The following CSF2RA variants were observed in gnomAD, a reference collection of about 807,000 sequenced individuals.
The protein encoded by CSF2RA is granulocyte-macrophage colony-stimulating factor receptor subunit alpha.
Under a neutral mutation model 51.6 loss-of-function variants are expected in CSF2RA, and 42 were observed. The observed-to-expected ratio is 0.81, with a 90% CI of 0.64 to 1.05. The LOEUF (loss-of-function observed/expected upper bound fraction) is 1.05, where lower values mean the gene tolerates loss of function less well. CSF2RA is among the 50% of genes least tolerant of loss of function. The pLI, the probability that CSF2RA is intolerant of heterozygous loss-of-function variation, is 0.00. For missense variants in CSF2RA, 530 were observed against 501.1 expected (o/e 1.06, Z -0.55); for synonymous variants, 222 against 193.0 (o/e 1.15, Z -1.24).
the CSF2RA span, among the ~76,000 whole-genome samples, chrX:1,324,935 C>T: frequency 6.6e-6 from 1 of 152,062 alleles, no homozygotes; most frequent in Admixed American, 6.6e-5. Context: ...GATCACAGGA[C>T]GGTTGGGTTT....
rs2091291032 is a variant in CSF2RA at position 1,290,402 on chromosome X, T to C, written c.539T>C (p.Leu180Pro). Residue 180 changes from leucine (L) to proline (P), a missense_variant, in exon 7 of 13, where the codon CTG becomes CCG. Coordinates refer to ENST00000381529, the MANE Select transcript of CSF2RA (RefSeq NM_172245.4). ...QDSGTHVGCH[L>P]DNLSGLTSRN... ...TCAGGAACCCATGTGGGATGTCACC[T>C]GGATAACCTGTCAGGATTAACGTCT... 1.2e-6 allele frequency: 2 copies of C among 1,613,640 alleles called. No homozygotes were observed. Among genetic ancestry groups the C allele is most frequent in the Non-Finnish European group, 1.7e-6 (2 of 1,179,676 alleles).
chrX:1,294,502 C>T (rs759255817), intron 8 of CSF2RA, 41 bp downstream of exon 8: 43 of 1,612,288 alleles, frequency 2.7e-5, no homozygotes, highest in Admixed American at 5.0e-5. Flanking sequence ...AGGAGGGAGG[C>T]GTACGGGACA....
rs1341905354 is a variant in CSF2RA, at chrX:1,288,601, G to C, written c.302G>C (p.Ser101Thr). 1.9e-6 allele frequency: 3 copies of C among 1,613,840 alleles called. No homozygotes were observed. Among genetic ancestry groups the C allele is most frequent in the African/African-American group, 2.7e-5 (2 of 74,922 alleles). Residue 101 changes from serine to threonine, a missense_variant, in exon 5 of 13, where the codon AGT becomes ACT. Coordinates refer to ENST00000381529, the MANE Select transcript of CSF2RA (RefSeq NM_172245.4). ...ACATTTGAGGTTCACGTGAATACTA[G>C]TCAAAGAGGATTTCAACAGAAACTG... is the stretch of plus-strand genomic sequence containing the variant. ...GVTFEVHVNT[S>T]QRGFQQKLLY...
At chrX:1,320,348 C>A in the CSF2RA span, among the ~76,000 whole-genome samples, 1 of 151,986 alleles carries the variant, frequency 6.6e-6, no homozygotes, top group East Asian at 1.9e-4. Context: ...TCTTTGTGGT[C>A]ACAAAACTTC....
chrX:1,280,868 C>CCTTCTCCTG (rs1405205173), intron 2 of CSF2RA, among the ~76,000 whole-genome samples: 19 of 135,498 alleles, frequency 1.4e-4, no homozygotes, highest in Admixed American at 6.6e-4. Context: ...TCCTCCTCCT[C>CCTTCTCCTG]CTCCTTCTCC....
intron 2 of CSF2RA, among the ~76,000 whole-genome samples, chrX:1,280,859 CCTCCTCCTCCTCCTTCTCCTGCTCCTT>C (rs2089834546): frequency 7.2e-6 from 1 of 138,980 alleles, no homozygotes. Context: ...TCCTTCTCCT[CCTCCTCCTCCTCCTTCTCCTGCTCCTT>C]CTCCTCCTCC....
the CSF2RA span, among the ~76,000 whole-genome samples, chrX:1,323,843 T>C: frequency 1.3e-5 from 2 of 151,414 alleles, no homozygotes; most frequent in African/African-American, 4.9e-5. Flanking sequence ...TGAAACCCCG[T>C]CTCTAATAAA....
intron 2 of CSF2RA, among the ~76,000 whole-genome samples, chrX:1,278,893 C>G (rs2089539141): frequency 6.7e-6 from 1 of 149,028 alleles, no homozygotes; most frequent in Non-Finnish European, 1.5e-5. Flanking sequence ...CAAAAATTAG[C>G]CAGGCGTGTT....
intron 6 of CSF2RA, among the ~76,000 whole-genome samples, chrX:1,289,416 A>G (rs2091115412): frequency 6.6e-6 from 1 of 152,152 alleles, no homozygotes; most frequent in South Asian, 2.1e-4. Context: ...GGCGTGAGCC[A>G]CTGCACCTGG....
intron 1 of CSF2RA, among the ~76,000 whole-genome samples, chrX:1,272,234 G>C (rs763822839): frequency 6.6e-6 from 1 of 151,488 alleles, no homozygotes; most frequent in Non-Finnish European, 1.5e-5. Context: ...GATTACAGGC[G>C]TGAACCACTG....
downstream of CSF2RA, chrX:1,310,184 C>T: frequency 5.3e-6 from 1 of 189,756 alleles, no homozygotes; most frequent in East Asian, 1.4e-4. Context: ...AAGACCCCAT[C>T]TCTCTGTCTC....
At chrX:1,270,165 G>A (rs1317316566) in intron 1 of CSF2RA, among the ~76,000 whole-genome samples, 16 of 151,922 alleles carry the variant, frequency 1.1e-4, no homozygotes, top group Non-Finnish European at 1.9e-4. Context: ...CACTACAAGG[G>A]TGACTGATAA....
At chrX:1,296,053 C>A (rs1438992934) in intron 9 of CSF2RA, among the ~76,000 whole-genome samples, 1 of 150,836 alleles carries the variant, frequency 6.6e-6, no homozygotes, top group Non-Finnish European at 1.5e-5. Flanking sequence ...CCTAGCGTAA[C>A]CATACAGTCC....
At chrX:1,286,149 G>A (rs1367854703) in intron 4 of CSF2RA, among the ~76,000 whole-genome samples, 2 of 151,830 alleles carry the variant, frequency 1.3e-5, no homozygotes, top group Non-Finnish European at 2.9e-5. Context: ...GTGCATGCCT[G>A]TAGTCCCAGC....
At chrX:1,269,232 G>A (rs1332109745) in intron 1 of CSF2RA, among the ~76,000 whole-genome samples, 2 of 152,188 alleles carry the variant, frequency 1.3e-5, no homozygotes, top group African/African-American at 4.8e-5. Context: ...ATGATTGGCT[G>A]TACATTGCTA....
At chrX:1,317,175 C>A in the CSF2RA span, among the ~76,000 whole-genome samples, 2 of 150,140 alleles carry the variant, frequency 1.3e-5, no homozygotes, top group Non-Finnish European at 2.9e-5. Context: ...GTCTCGAACT[C>A]CTGACCTTAT....
the CSF2RA span, among the ~76,000 whole-genome samples, chrX:1,323,728 A>G: frequency 6.6e-6 from 1 of 151,850 alleles, no homozygotes; most frequent in Non-Finnish European, 1.5e-5. Flanking sequence ...CTTAAAAAAA[A>G]TGCAGGCTGG....
At chrX:1,274,109 C>T (rs1393886708) in intron 1 of CSF2RA, among the ~76,000 whole-genome samples, 2 of 151,910 alleles carry the variant, frequency 1.3e-5, no homozygotes, top group African/African-American at 2.4e-5. Context: ...AAAGTATAAG[C>T]GGTACAGACA....
chrX:1,313,288 G>C (rs2084263963), downstream of CSF2RA, among the ~76,000 whole-genome samples: 1 of 150,960 alleles, frequency 6.6e-6, no homozygotes, highest in African/African-American at 2.5e-5. Context: ...AATAAAAAAA[G>C]CTGGGTGTGG....
Sources: gnomAD v4.1 joint callset for allele counts (sites outside exome capture counted in the v4.1 genomes callset) on GRCh38, gnomAD v4.1.1 for gene constraint, MANE v1.5 for transcripts, NCBI Gene and HGNC (gene_info 2026-07-23, HGNC 2026-07-21) for gene names.